HRC: variants seen among roughly 807,000 people sequenced by gnomAD.
The protein encoded by HRC is sarcoplasmic reticulum histidine-rich calcium-binding protein.
Under a neutral mutation model 61.4 loss-of-function variants are expected in HRC, and 41 were observed. The observed-to-expected ratio is 0.67, with a 90% CI of 0.52 to 0.87. The LOEUF is 0.87. Among genes scored for constraint, HRC ranks in the 40% least tolerant of loss-of-function variants. HRC has a pLI of 0.00. For missense variants in HRC, 839 were observed against 885.8 expected (o/e 0.95, Z 0.67); for synonymous variants, 308 against 326.6 (o/e 0.94, Z 0.62).
rs576427533 is a variant in HRC, at chr19:49,153,150, A to G, written c.1902+111T>C. The G allele has an allele frequency of 3.8e-6, 3 of 784,054 alleles. No homozygotes were observed. Among genetic ancestry groups the G allele is most frequent in the East Asian group, 5.3e-5 (2 of 37,946 alleles). The allele number at this position is 784,054 out of a possible 1,614,324, so 48.6% of individuals were successfully genotyped here. ...CCTGCAGAAGGATCTCTTTTCTTTC[A>G]GAACTGACCCTGGCCTGCCCTTGCT... On this transcript the variant is annotated intron_variant, in intron 2 of 5. Coordinates refer to ENST00000252825, the MANE Select transcript of HRC (RefSeq NM_002152.3). The surrounding 1 kb of genome is among the most constrained non-coding windows in gnomAD (Gnocchi z 4.8).
Position 49,152,337 on chromosome 19 carries a change from G to A in HRC, c.1944C>T (p.Asn648=), listed in dbSNP as rs777288481. Residue 648 remains asparagine, a synonymous_variant, in exon 3 of 6, where the codon AAC becomes AAT. Coordinates refer to ENST00000252825, the MANE Select transcript of HRC (RefSeq NM_002152.3). ...GGCACTGGTCGCAGTGCTCACCCAT[G>A]TTCTCCTCATCACAGTGACAGCTCT... The part of the protein sequence containing the change: ...ECESCHCDEE[N]MGEHCDQCQH... 2 of 1,613,774 alleles carry A rather than the reference G, an allele frequency of 1.2e-6. No individual in the cohort carries two copies. The highest frequency in any genetic ancestry group is 8.5e-7 in the Non-Finnish European group (1 of 1,179,918).
rs946486276 is a variant in HRC at position 49,151,546 on chromosome 19, G to A, written c.2034C>T (p.Tyr678=). ...AAAGGGACGAGGAGAAATAGTCAAC[G>A]TAGCTTCCTGTGGGACAGCAGAGAA... The part of the protein sequence containing the change: ...VCETVCAPGS[Y]VDYFSSSLYQ... The change falls in exon 5 of 6, where the codon TAC becomes TAT. Residue 678 remains tyrosine, a synonymous_variant. Transcript: ENST00000252825. 1.9e-6 allele frequency: 3 copies of A among 1,613,574 alleles called. No individual in the cohort carries two copies. Among genetic ancestry groups the A allele is most frequent in the Admixed American group, 1.7e-5 (1 of 59,988 alleles).
rs199926169 is a variant in HRC, at chr19:49,153,230, C to T, written c.1902+31G>A. On this transcript the variant is annotated intron_variant, in intron 2 of 5. Transcript: ENST00000252825. The surrounding 1 kb of genome is among the most constrained non-coding windows in gnomAD (Gnocchi z 4.8). ...CCCCTGGGACAGATTCTGGGGACAC[C>T]TTGGTGGGTGGATCTGGGCTGGGGA... The T allele has an allele frequency of 1.1e-4, 172 of 1,580,910 alleles. No homozygotes were observed. In the East Asian group the frequency reaches 2.9e-3, roughly 27 times the overall value.
chr19:49,151,500 C>T lies in HRC; in HGVS notation c.2063+17G>A. ...CTCTAAACGGGGCTTTTACACGCTC[C>T]CCTTTTACACACTTACTGATAAAGG... On this transcript the variant is annotated intron_variant, in intron 5 of 5. Transcript: ENST00000252825. The T allele has an allele frequency of 1.9e-6, 3 of 1,613,390 alleles. No homozygotes were observed. The highest frequency in any genetic ancestry group is 2.5e-6 in the Non-Finnish European group (3 of 1,179,436).
chr19:49,151,239 TG>T lies in HRC; in HGVS notation c.*56del. On this transcript the variant is annotated 3_prime_UTR_variant, in exon 6 of 6. Coordinates refer to ENST00000252825, the MANE Select transcript of HRC (RefSeq NM_002152.3). The stretch of plus-strand genomic sequence containing the variant: ...TATTCGGAGAAATAAATATAGCTCG[TG>T]GAAAGGGGTTGGAAGGCAGGGGGAG... The T allele has an allele frequency of 7.2e-7, 1 of 1,392,692 alleles. No individual in the cohort carries two copies. The allele number at this position is 1,392,692 out of a possible 1,614,324, so 86.3% of individuals were successfully genotyped here.
Position 49,154,782 on chromosome 19 carries a change from G to A in HRC, c.456C>T (p.Leu152=), listed in dbSNP as rs746053074. The part of the protein sequence containing the change: ...TEDSAEHRHH[L]PSHRSHSHQD... Reference sequence around the variant, plus strand: ...GATGGCTGTGGCTCCTGTGGCTGGGGAGGTGGTGCCTGTGCTCAGCTGAGT... The same window carrying A: ...GATGGCTGTGGCTCCTGTGGCTGGGAAGGTGGTGCCTGTGCTCAGCTGAGT... The change falls in exon 1 of 6, where the codon CTC becomes CTT. Residue 152 remains leucine, a synonymous_variant. Coordinates refer to ENST00000252825, the MANE Select transcript of HRC (RefSeq NM_002152.3). 9 of 1,614,062 alleles carry A rather than the reference G, an allele frequency of 5.6e-6. No individual in the cohort carries two copies. Among genetic ancestry groups the A allele is most frequent in the East Asian group, 2.2e-5 (1 of 44,886 alleles).
chr19:49,152,880 G>C (rs943070474), intron 2 of HRC, among the ~76,000 whole-genome samples: 2 of 152,012 alleles, frequency 1.3e-5, no homozygotes, highest in African/African-American at 2.4e-5. Flanking sequence ...CCTGCCCCTG[G>C]TTTTCTATCT....
At position 49,151,256 on chromosome 19, in the gene HRC, G is replaced by A; in HGVS notation, c.*40C>T. On this transcript the variant is annotated 3_prime_UTR_variant, in exon 6 of 6. Transcript: ENST00000252825. ...ATAGCTCGTGGAAAGGGGTTGGAAG[G>A]CAGGGGGAGGTACACCTGCGTCGCA... 1 of 1,506,712 alleles carries A rather than the reference G, an allele frequency of 6.6e-7. No homozygotes were observed. Among genetic ancestry groups the A allele is most frequent in the Non-Finnish European group, 9.0e-7 (1 of 1,116,136 alleles). 93.3% of individuals were successfully genotyped at this position (1,506,712 alleles called of 1,614,324 possible).
chr19:49,151,572 A>G lies in HRC; in HGVS notation c.2027-19T>C. On this transcript the variant is annotated intron_variant, in intron 4 of 5. Coordinates refer to ENST00000252825, the MANE Select transcript of HRC (RefSeq NM_002152.3). ...TAGCTTCCTGTGGGACAGCAGAGAA[A>G]AGAGGCTTGAGGGGTACTGCACGAG... is the stretch of plus-strand genomic sequence containing the variant. 6.2e-7 allele frequency: 1 copy of G among 1,613,124 alleles called. No individual in the cohort carries two copies. Among genetic ancestry groups the G allele is most frequent in the Non-Finnish European group, 8.5e-7 (1 of 1,179,888 alleles).
rs760689300 is a variant in HRC at position 49,154,869 on chromosome 19, G to A, written c.369C>T (p.Val123=). The change falls in exon 1 of 6, where the codon GTC becomes GTT. Residue 123 remains valine, a synonymous_variant. Coordinates refer to ENST00000252825, the MANE Select transcript of HRC (RefSeq NM_002152.3). ...VGDEGVSGEE[V]FAEHGGQARG... is the part of the protein sequence containing the mutation. ...GGGCCTGCCCACCATGCTCTGCAAA[G>A]ACCTCCTCACCTGAGACACCCTCAT... 1.9e-6 allele frequency: 3 copies of A among 1,614,154 alleles called. No individual in the cohort carries two copies. Among genetic ancestry groups the A allele is most frequent in the Non-Finnish European group, 2.5e-6 (3 of 1,180,034 alleles).
Position 49,152,040 on chromosome 19 carries a change from GAT to G in HRC, c.1988_1989del (p.Tyr663SerfsTer17), listed in dbSNP as rs753349158. ...ACCGTTTCGCAGACCAGCGGGCAGA[GAT>G]AGCAGAACTGACAGTGCTGGAGGCG... ...CDQCQHCQFC[Y>X]LCPLVCETVC... is the part of the protein sequence containing the mutation. On this transcript the variant is annotated frameshift_variant, in exon 4 of 6. Coordinates refer to ENST00000252825, the MANE Select transcript of HRC (RefSeq NM_002152.3). LOFTEE classifies it high-confidence loss of function. 1.1e-5 allele frequency: 17 copies of G among 1,614,216 alleles called. No individual in the cohort carries two copies. The Admixed American group carries it at 2.8e-4, about 27-fold the overall frequency.
At position 49,155,167 on chromosome 19, in the gene HRC, G is replaced by A. The variant is rs61585939; in HGVS notation, c.71C>T (p.Pro24Leu). Residue 24 changes from proline to leucine, a missense_variant, in exon 1 of 6, where the codon CCG becomes CTG. Physicochemically the swap from Pro to Leu is moderately conservative, Grantham distance 98. Coordinates refer to ENST00000252825, the MANE Select transcript of HRC (RefSeq NM_002152.3). This position sits in a 1 kb window ranked among gnomAD's most constrained non-coding sequence, Gnocchi z 4.7. The part of the protein sequence containing the change: ...WAGVASLLLP[P>L]AMTQQLRGDG... ...CCCTCTGAGCTGCTGGGTCATGGCC[G>A]GGGGGAGGAGCAGGCTGGCCACCCC... is the stretch of plus-strand genomic sequence containing the variant. 9,567 of 1,610,286 alleles carry A rather than the reference G, an allele frequency of 5.9e-3. 475 individuals carry two copies. The African/African-American group carries it at 0.11, about 19-fold the overall frequency.
At position 49,154,237 on chromosome 19, in the gene HRC, C is replaced by A. The variant is rs796956072; in HGVS notation, c.1001G>T (p.Gly334Val). The A allele has an allele frequency of 6.3e-7, 1 of 1,588,756 alleles. No homozygotes were observed. ...HRKEEVEAVS[G>V]EHHHHVPDHR... is the part of the protein sequence containing the mutation. ...GTCAGGGACATGATGGTGGTGTTCA[C>A]CTGAGACAGCCTCAACCTCTTCCTT... The change falls in exon 1 of 6, where the codon GGT becomes GTT. Residue 334 changes from glycine (G) to valine (V), a missense_variant. Coordinates refer to ENST00000252825, the MANE Select transcript of HRC (RefSeq NM_002152.3).
At position 49,153,843 on chromosome 19, in the gene HRC, G is replaced by C. The variant is rs1386489485; in HGVS notation, c.1395C>G (p.Pro465=). ...RGSIKEMSHH[P]PGHTVVKDRS... Reference sequence around the variant, plus strand: ...TATCCTTGACCACTGTGTGTCCTGGGGGGTGATGGCTCATCTCTTTGATGG... The same window carrying C: ...TATCCTTGACCACTGTGTGTCCTGGCGGGTGATGGCTCATCTCTTTGATGG... The change falls in exon 1 of 6, where the codon CCC becomes CCG. Residue 465 remains proline (P), a synonymous_variant. Coordinates refer to ENST00000252825, the MANE Select transcript of HRC (RefSeq NM_002152.3). This position sits in a 1 kb window ranked among gnomAD's most constrained non-coding sequence, Gnocchi z 4.8. The C allele has an allele frequency of 1.2e-6, 2 of 1,614,044 alleles. No individual in the cohort carries two copies. The highest frequency in any genetic ancestry group is 3.3e-5 in the Admixed American group (2 of 60,000).
chr19:49,153,136 A>T lies in HRC; in HGVS notation c.1902+125T>A, dbSNP rs2041377776. ...CCTCACCTCACATGCCTGCAGAAGG[A>T]TCTCTTTTCTTTCAGAACTGACCCT... On this transcript the variant is annotated intron_variant, in intron 2 of 5. Coordinates refer to ENST00000252825, the MANE Select transcript of HRC (RefSeq NM_002152.3). The surrounding 1 kb of genome is among the most constrained non-coding windows in gnomAD (Gnocchi z 4.8). 1.4e-6 allele frequency: 1 copy of T among 728,402 alleles called. No individual in the cohort carries two copies. Among genetic ancestry groups the T allele is most frequent in the African/African-American group, 1.7e-5 (1 of 57,492 alleles). The allele number at this position is 728,402 out of a possible 1,614,324, so 45.1% of individuals were successfully genotyped here.
chr19:49,154,869 G>C lies in HRC; in HGVS notation c.369C>G (p.Val123=), dbSNP rs760689300. ...GGGCCTGCCCACCATGCTCTGCAAA[G>C]ACCTCCTCACCTGAGACACCCTCAT... The part of the protein sequence containing the change: ...VGDEGVSGEE[V]FAEHGGQARG... Residue 123 remains valine, a synonymous_variant, in exon 1 of 6, where the codon GTC becomes GTG. Coordinates refer to ENST00000252825, the MANE Select transcript of HRC (RefSeq NM_002152.3). 1.9e-6 allele frequency: 3 copies of C among 1,614,036 alleles called. No homozygotes were observed. Among genetic ancestry groups the C allele is most frequent in the African/African-American group, 2.7e-5 (2 of 74,908 alleles).
rs980426401 is a variant in HRC at position 49,151,202 on chromosome 19, G to C, written c.*94C>G. On this transcript the variant is annotated 3_prime_UTR_variant, in exon 6 of 6. Coordinates refer to ENST00000252825, the MANE Select transcript of HRC (RefSeq NM_002152.3). ...ACCCCACGTCTGACAATGAGGTTTC[G>C]GGGAGCACGTTTATTCGGAGAAATA... 1 of 1,131,906 alleles carries C rather than the reference G, an allele frequency of 8.8e-7. No individual in the cohort carries two copies. The allele number at this position is 1,131,906 out of a possible 1,614,324, so 70.1% of individuals were successfully genotyped here. A position where few individuals can be genotyped will look rare whatever the true frequency, so the allele number is the denominator to read the frequency against.
chr19:49,153,547 G>T lies in HRC; in HGVS notation c.1691C>A (p.Pro564Gln). Residue 564 changes from proline to glutamine, a missense_variant, in exon 1 of 6, where the codon CCA becomes CAA. Coordinates refer to ENST00000252825, the MANE Select transcript of HRC (RefSeq NM_002152.3). The surrounding 1 kb of genome is among the most constrained non-coding windows in gnomAD (Gnocchi z 4.8). ...ERAEVGAPLSPDHSEEEEEEE... is the reference protein window; with the variant it reads ...ERAEVGAPLSQDHSEEEEEEE... ...CTCCTCTTCCTCCTCGCTGTGGTCTGGGCTCAGTGGGGCCCCAACCTCAGC... is the reference window on the plus strand; with the variant it reads ...CTCCTCTTCCTCCTCGCTGTGGTCTTGGCTCAGTGGGGCCCCAACCTCAGC... 1 of 1,571,820 alleles carries T rather than the reference G, an allele frequency of 6.4e-7. No homozygotes were observed. The highest frequency in any genetic ancestry group is 2.3e-5 in the East Asian group (1 of 44,442).
At position 49,154,496 on chromosome 19, in the gene HRC, C is replaced by CATT. The variant is rs2041400685; in HGVS notation, c.741_742insAAT (p.Asp247_Asp248insAsn). On this transcript the variant is annotated inframe_insertion, in exon 1 of 6. Transcript: ENST00000252825. Reference sequence around the variant, plus strand: ...TCATCATCATCATCATCATCATCATCGTCATCTTCTTCATGGCCTTGGTGC... The same window carrying CATT: ...TCATCATCATCATCATCATCATCATCATTGTCATCTTCTTCATGGCCTTGGTGC... 6.3e-7 allele frequency: 1 copy of CATT among 1,584,352 alleles called. No individual in the cohort carries two copies. Among genetic ancestry groups the CATT allele is most frequent in the East Asian group, 2.3e-5 (1 of 44,146 alleles).
Sources: gnomAD v4.1 joint callset for allele counts (sites outside exome capture counted in the v4.1 genomes callset) on GRCh38, gnomAD v4.1.1 for gene constraint, Gnocchi (gnomAD v3.1) non-coding constraint, MANE v1.5 for transcripts, NCBI Gene and HGNC (gene_info 2026-07-23, HGNC 2026-07-21) for gene names.